The following TENT2 variants were observed in gnomAD, a reference collection of about 807,000 sequenced individuals.
TENT2 encodes the protein terminal nucleotidyltransferase 2, also known as poly(A) RNA polymerase GLD2.
In TENT2, 44 loss-of-function variants were observed where a neutral mutation model predicts 72.2. That is an observed-to-expected ratio of 0.61 (90% CI 0.48 to 0.78). The LOEUF (loss-of-function observed/expected upper bound fraction) is 0.78, where lower values mean the gene tolerates loss of function less well. TENT2 is among the 30% of genes least tolerant of loss of function. TENT2 has a pLI of 0.00. For missense variants in TENT2, 541 were observed against 569.6 expected (o/e 0.95, Z 0.51); for synonymous variants, 212 against 192.5 (o/e 1.10, Z -0.84).
At chr5:79,641,385 G>A (rs1004423255) in intron 6 of TENT2, among the ~76,000 whole-genome samples, 189 bp downstream of exon 6, 1 of 149,106 alleles carries the variant, frequency 6.7e-6, no homozygotes, top group Non-Finnish European at 1.5e-5. Context: ...ATAATAGGAA[G>A]TATAGCATTA....
chr5:79,638,883 T>C (rs556792239), intron 4 of TENT2, among the ~76,000 whole-genome samples: 1 of 152,324 alleles, frequency 6.6e-6, no homozygotes, highest in South Asian at 2.1e-4. Flanking sequence ...ATGTTATGCT[T>C]CTTTCATTGC....
rs1357381133 is a variant in TENT2 at position 79,687,413 on chromosome 5, CCT to C, written c.*2143_*2144del. The stretch of plus-strand genomic sequence containing the variant: ...GGGATTGATTCCAGGTCAACCCCGT[CCT>C]CTTCAGATACCAAAATCCACAGATA... On this transcript the variant is annotated 3_prime_UTR_variant, in exon 15 of 15. Transcript: ENST00000453514. Among the ~76,000 whole-genome samples the C allele has an allele frequency of 1.3e-5, 2 of 152,102 alleles. No homozygotes were observed. Among genetic ancestry groups the C allele is most frequent in the African/African-American group, 4.8e-5 (2 of 41,414 alleles).
chr5:79,621,148 G>C (rs1400698106), intron 3 of TENT2, among the ~76,000 whole-genome samples: 1 of 151,744 alleles, frequency 6.6e-6, no homozygotes, highest in African/African-American at 2.4e-5. Context: ...TGCTTATTAT[G>C]TAGTAATCAT....
chr5:79,680,645 G>C (rs1246136747), intron 13 of TENT2, among the ~76,000 whole-genome samples: 2 of 151,990 alleles, frequency 1.3e-5, no homozygotes, highest in Non-Finnish European at 2.9e-5. Context: ...ACTTTTTCTA[G>C]GTCTTTCCCC....
chr5:79,658,372 T>C (rs905158180), intron 11 of TENT2, among the ~76,000 whole-genome samples: 5 of 149,136 alleles, frequency 3.4e-5, no homozygotes, highest in South Asian at 2.1e-4. Context: ...TTTTTTTTTT[T>C]CTTAGAGACG....
chr5:79,624,662 T>G (rs1767930586), intron 4 of TENT2, among the ~76,000 whole-genome samples: 1 of 152,226 alleles, frequency 6.6e-6, no homozygotes, highest in East Asian at 1.9e-4. Flanking sequence ...ATTCAATATG[T>G]GGCCTTCTGT....
intron 3 of TENT2, 85 bp from the exon 4 acceptor site, chr5:79,623,167 A>G (rs1766537352): frequency 2.2e-6 from 2 of 896,312 alleles, no homozygotes; most frequent in East Asian, 2.7e-5. Context: ...ATTATCTCTT[A>G]TGATATTTAT....
At chr5:79,662,090 C>T (rs1369915722) in intron 11 of TENT2, among the ~76,000 whole-genome samples, 2 of 152,206 alleles carry the variant, frequency 1.3e-5, no homozygotes, top group Non-Finnish European at 2.9e-5. Context: ...AGCATCTTCA[C>T]CAGGAGTAGA....
intron 10 of TENT2, among the ~76,000 whole-genome samples, chr5:79,650,142 A>G (rs1376252445): frequency 6.6e-6 from 1 of 152,138 alleles, no homozygotes; most frequent in Non-Finnish European, 1.5e-5. Flanking sequence ...ATACTTCCAC[A>G]GTTTAGAGTC....
At chr5:79,648,719 A>C (rs1791140452) in intron 9 of TENT2, 26 bp downstream of exon 9, 2 of 1,514,054 alleles carry the variant, frequency 1.3e-6, no homozygotes, top group Non-Finnish European at 1.8e-6. Context: ...GTTTATTAAA[A>C]ATTAGCCTTT....
At chr5:79,647,329 T>A (rs1789904524) in intron 8 of TENT2, among the ~76,000 whole-genome samples, 1 of 152,188 alleles carries the variant, frequency 6.6e-6, no homozygotes, top group Admixed American at 6.6e-5. Flanking sequence ...AAGCAGGAAC[T>A]GTGGATATTT....
chr5:79,662,250 G>A (rs1019614323), intron 11 of TENT2, among the ~76,000 whole-genome samples: 1 of 152,226 alleles, frequency 6.6e-6, no homozygotes, highest in Non-Finnish European at 1.5e-5. Flanking sequence ...CACATCTGCA[G>A]TTACTTCCTC....
Position 79,687,096 on chromosome 5 carries a change from T to C in TENT2, c.*1823T>C, listed in dbSNP as rs552337176. On this transcript the variant is annotated 3_prime_UTR_variant, in exon 15 of 15. Coordinates refer to ENST00000453514, the MANE Select transcript of TENT2 (RefSeq NM_001114394.3). ...ATGGTGTGGGTTCCTTCACTGTCAC[T>C]GTTTTCTCAGTTTTCAGTGGCCCCA... 1.3e-5 allele frequency among the ~76,000 whole-genome samples: 2 copies of C among 150,206 alleles called. No individual in the cohort carries two copies. The highest frequency in any genetic ancestry group is 4.3e-4 in the South Asian group (2 of 4,664).
intron 12 of TENT2, 44 bp downstream of exon 12, chr5:79,669,072 G>C (rs1276681191): frequency 1.3e-6 from 2 of 1,594,014 alleles, no homozygotes; most frequent in Non-Finnish European, 1.7e-6. Flanking sequence ...ATATGTGTGT[G>C]TGTGTGTATG....
chr5:79,646,988 C>T (rs1430627533), intron 8 of TENT2, among the ~76,000 whole-genome samples: 8 of 152,120 alleles, frequency 5.3e-5, no homozygotes, highest in African/African-American at 1.7e-4. Flanking sequence ...AGCCTAGTCT[C>T]GAACCCCTGG....
rs1810421216 is a variant in TENT2 at position 79,668,629 on chromosome 5, T to C, written c.1072-263T>C. On this transcript the variant is annotated intron_variant, in intron 11 of 14. Transcript: ENST00000453514. Reference sequence around the variant, plus strand: ...AAGGTTTTATTTATGAGTTAGAAAATCTTCTGCTAAATAGCGATCTGTTTG... The same window carrying C: ...AAGGTTTTATTTATGAGTTAGAAAACCTTCTGCTAAATAGCGATCTGTTTG... The C allele has an allele frequency of 1.2e-5, 4 of 327,812 alleles. No individual in the cohort carries two copies. The South Asian group carries it at 2.7e-4, about 22-fold the overall frequency. The allele number at this position is 327,812 out of a possible 1,614,324, so 20.3% of individuals were successfully genotyped here.
At chr5:79,649,026 G>A (rs1395687331) in intron 9 of TENT2, 36 bp from the exon 10 acceptor site, 19 of 1,601,808 alleles carry the variant, frequency 1.2e-5, no homozygotes, top group South Asian at 4.4e-5. Flanking sequence ...AAACTATAAC[G>A]TCTCTTACCA....
intron 3 of TENT2, among the ~76,000 whole-genome samples, chr5:79,622,938 A>G (rs190490383): frequency 6.6e-6 from 1 of 152,288 alleles, no homozygotes; most frequent in East Asian, 1.9e-4. Context: ...TAGTAATTCT[A>G]TAAATAGAAC....
intron 4 of TENT2, among the ~76,000 whole-genome samples, chr5:79,636,380 G>A (rs1477018320): frequency 1.3e-5 from 2 of 152,076 alleles, no homozygotes; most frequent in African/African-American, 4.8e-5. Context: ...GAATCAGATT[G>A]CAGTTATTTT....
Sources: allele counts gnomAD v4.1 joint callset (sites outside exome capture counted in the v4.1 genomes callset), GRCh38; gene constraint gnomAD v4.1.1; transcripts MANE v1.5; gene names NCBI Gene and HGNC (gene_info 2026-07-23, HGNC 2026-07-21).